LEF1: variants seen among roughly 807,000 people sequenced by gnomAD.
The protein encoded by LEF1 is lymphoid enhancer-binding factor 1.
LEF1 carries 14 observed loss-of-function variants against 51.2 expected under a neutral mutation model. The ratio of observed to expected loss-of-function variants is 0.27; its 90% CI spans 0.18 to 0.43. LEF1 has a LOEUF of 0.43. Ranked by LOEUF, LEF1 falls within the 20% of genes least tolerant of loss-of-function variation. The pLI, the probability that LEF1 is intolerant of heterozygous loss-of-function variation, is 1.00. For missense variants in LEF1, 386 were observed against 512.0 expected (o/e 0.75, Z 2.37); for synonymous variants, 185 against 183.2 (o/e 1.01, Z -0.08).
chr4:108,064,304 G>C (rs756357674), intron 10 of LEF1, 32 bp downstream of exon 10: 1 of 1,550,776 alleles, frequency 6.4e-7, no homozygotes, highest in South Asian at 1.1e-5. Flanking sequence ...TCAGAAGCCT[G>C]AGGATTGACT....
At chr4:108,120,138 C>A (rs1222025950) in intron 3 of LEF1, among the ~76,000 whole-genome samples, 2 of 151,740 alleles carry the variant, frequency 1.3e-5, no homozygotes, top group East Asian at 3.9e-4. Context: ...CTCAAGGAAC[C>A]CTCCTGCCTC....
At chr4:108,109,631 G>A (rs1741395435) in intron 3 of LEF1, among the ~76,000 whole-genome samples, 1 of 152,206 alleles carries the variant, frequency 6.6e-6, no homozygotes, top group Non-Finnish European at 1.5e-5. Context: ...CAAAACATGT[G>A]AAGTGCTTAG....
At position 108,167,770 on chromosome 4, in the gene LEF1, C is replaced by G. The variant is rs190386439; in HGVS notation, c.-3G>C. On this transcript the variant is annotated 5_prime_UTR_variant, in exon 1 of 12. Coordinates refer to ENST00000265165, the MANE Select transcript of LEF1 (RefSeq NM_016269.5). This position sits in a 1 kb window ranked among gnomAD's most constrained non-coding sequence, Gnocchi z 5.7. ...CCTCCTCCGGAGAGTTGGGGCATCC[C>G]GGCGGCTCTGTAATCTCCGCTCCGC... 8.1e-5 allele frequency: 130 copies of G among 1,611,310 alleles called. No homozygotes were observed. In the African/African-American group the frequency reaches 9.5e-4, roughly 12 times the overall value.
rs1739300411 is a variant in LEF1 at position 108,081,487 on chromosome 4, C to T, written c.722+99G>A. 7 of 881,954 alleles carry T rather than the reference C, an allele frequency of 7.9e-6. No individual in the cohort carries two copies. The South Asian group carries it at 1.0e-4, about 13-fold the overall frequency. 54.6% of individuals were successfully genotyped at this position (881,954 alleles called of 1,614,324 possible). ...CAGACAGACACATGGCTGAGGTATGCACCCTCCTAGCCAACCAAAAGGCAA... is the reference window on the plus strand; with the variant it reads ...CAGACAGACACATGGCTGAGGTATGTACCCTCCTAGCCAACCAAAAGGCAA... On this transcript the variant is annotated intron_variant, in intron 6 of 11. Transcript: ENST00000265165.
At chr4:108,135,614 C>T (rs1743213336) in intron 3 of LEF1, among the ~76,000 whole-genome samples, 1 of 152,140 alleles carries the variant, frequency 6.6e-6, no homozygotes, top group Non-Finnish European at 1.5e-5. Flanking sequence ...CCGGCAAGAA[C>T]AGGGGCCTCT....
chr4:108,165,143 G>A lies in LEF1; in HGVS notation c.234C>T (p.Thr78=). 6.2e-7 allele frequency: 1 copy of A among 1,614,114 alleles called. No homozygotes were observed. Among genetic ancestry groups the A allele is most frequent in the Non-Finnish European group, 8.5e-7 (1 of 1,180,004 alleles). ...NGHEVARQAQ[T]SQEPYHDKAR... is the part of the protein sequence containing the mutation. ...CCTTGTCGTGGTAGGGCTCCTGAGA[G>A]GTTTGTGCTTGTCTGGCCACCTAAC... Residue 78 remains threonine, a synonymous_variant, in exon 2 of 12, where the codon ACC becomes ACT. Coordinates refer to ENST00000265165, the MANE Select transcript of LEF1 (RefSeq NM_016269.5).
At chr4:108,099,566 G>T (rs1271209272) in intron 3 of LEF1, among the ~76,000 whole-genome samples, 1 of 72,892 alleles carries the variant, frequency 1.4e-5, no homozygotes, top group Non-Finnish European at 2.6e-5. Context: ...ATGTGTGTGT[G>T]TGTGTATATA....
At position 108,058,577 on chromosome 4, in the gene LEF1, C is replaced by T. The variant is rs532626764; in HGVS notation, c.*6+5046G>A. Among the ~76,000 whole-genome samples the T allele has an allele frequency of 1.2e-4, 18 of 152,314 alleles. No individual in the cohort carries two copies. In the East Asian group the frequency reaches 3.1e-3, roughly 26 times the overall value. The stretch of plus-strand genomic sequence containing the variant: ...TGTGCTATCAAACCCCCAAATTCCG[C>T]CACCAACCTGACAGCTCGAGTGCTA... On this transcript the variant is annotated intron_variant, in intron 11 of 11. Transcript: ENST00000265165.
rs1741725851 is a variant in LEF1, at chr4:108,114,655, T to C, written c.415-25398A>G. ...TGCGAGCTAAAGATATGGGACTTAA[T>C]GTCTGAGGAGATAACACGAAAATAC... is the stretch of plus-strand genomic sequence containing the variant. On this transcript the variant is annotated intron_variant, in intron 3 of 11. Transcript: ENST00000265165. 2.6e-5 allele frequency among the ~76,000 whole-genome samples: 4 copies of C among 152,164 alleles called. No individual in the cohort carries two copies. In the South Asian group the frequency reaches 8.3e-4, roughly 32 times the overall value.
intron 3 of LEF1, among the ~76,000 whole-genome samples, chr4:108,090,041 T>C (rs902982365): frequency 2.0e-5 from 3 of 152,006 alleles, no homozygotes; most frequent in Admixed American, 2.0e-4. Context: ...AGTGCAGTGG[T>C]GTGATCTTGG....
chr4:108,132,824 A>G (rs1009484481), intron 3 of LEF1, among the ~76,000 whole-genome samples: 10 of 150,542 alleles, frequency 6.6e-5, no homozygotes, highest in African/African-American at 2.2e-4. Context: ...ATGTACCACA[A>G]CACCCACCTA....
intron 3 of LEF1, among the ~76,000 whole-genome samples, chr4:108,131,573 T>C (rs1742901501): frequency 6.6e-6 from 1 of 152,102 alleles, no homozygotes; most frequent in Non-Finnish European, 1.5e-5. Flanking sequence ...TCTCCACAAA[T>C]TGCCTACATA....
intron 3 of LEF1, among the ~76,000 whole-genome samples, chr4:108,100,023 A>T (rs1740706899): frequency 6.6e-6 from 1 of 152,174 alleles, no homozygotes; most frequent in Non-Finnish European, 1.5e-5. Context: ...ATCATAGCAC[A>T]TTATCTAGGA....
chr4:108,056,441 G>A (rs371422659), intron 11 of LEF1, among the ~76,000 whole-genome samples: 34 of 152,282 alleles, frequency 2.2e-4, no homozygotes, highest in African/African-American at 7.2e-4. Context: ...ATTTGTTTCC[G>A]GCACTTGCCA....
chr4:108,126,057 A>G (rs1051319768), intron 3 of LEF1, among the ~76,000 whole-genome samples: 5 of 152,170 alleles, frequency 3.3e-5, no homozygotes, highest in Non-Finnish European at 7.3e-5. Context: ...TATTTCAGGA[A>G]ATAGTCCTAT....
At chr4:108,105,214 T>C in intron 3 of LEF1, among the ~76,000 whole-genome samples, 1 of 146,714 alleles carries the variant, frequency 6.8e-6, no homozygotes, top group Admixed American at 7.0e-5. Context: ...GGAGTCTTGC[T>C]CTGTTGCCCA....
chr4:108,108,007 G>A (rs1028115809), intron 3 of LEF1, among the ~76,000 whole-genome samples: 14 of 152,198 alleles, frequency 9.2e-5, no homozygotes, highest in African/African-American at 3.1e-4. Flanking sequence ...GGGCTAGAAA[G>A]GGACAGGTCT....
chr4:108,166,884 G>C (rs1239074222), intron 1 of LEF1: 5 of 897,250 alleles, frequency 5.6e-6, no homozygotes, highest in Non-Finnish European at 6.7e-6. Flanking sequence ...CGGTGGGTCG[G>C]CTCGGCGCAC....
intron 8 of LEF1, among the ~76,000 whole-genome samples, chr4:108,076,770 T>C (rs892307366): frequency 1.3e-5 from 2 of 151,874 alleles, no homozygotes; most frequent in Admixed American, 6.6e-5. Context: ...AGAATGATAA[T>C]GGGGCTTTAG....
Sources: gnomAD v4.1 joint callset for allele counts (sites outside exome capture counted in the v4.1 genomes callset) on GRCh38, gnomAD v4.1.1 for gene constraint, Gnocchi (gnomAD v3.1) non-coding constraint, MANE v1.5 for transcripts, NCBI Gene and HGNC (gene_info 2026-07-23, HGNC 2026-07-21) for gene names.